Variants in SYNPO observed in about 807,000 individuals in gnomAD.
The protein encoded by SYNPO is synaptopodin.
SYNPO carries 19 observed loss-of-function variants against 49.5 expected under a neutral mutation model. That is an observed-to-expected ratio of 0.38 (90% CI 0.27 to 0.56). SYNPO has a LOEUF of 0.56. SYNPO is among the 20% of genes least tolerant of loss of function. The probability of loss-of-function intolerance (pLI) is 0.68; values close to 1 mark genes in which losing one functional copy is unlikely to be tolerated. For synonymous variants in SYNPO, 536 were observed against 548.0 expected, an observed-to-expected ratio of 0.98 and a Z score of 0.31; for missense variants, 1,131 against 1,248.3, an observed-to-expected ratio of 0.91 and a Z score of 1.42.
chr5:150,640,289 A>G (rs904576003), upstream of SYNPO, among the ~76,000 whole-genome samples: 3 of 152,194 alleles, frequency 2.0e-5, no homozygotes, highest in Non-Finnish European at 2.9e-5. Flanking sequence ...GCATGTAGAA[A>G]GGATGTGAGA....
At chr5:150,651,064 ACCTGGCTTG>A (rs1043054386) in intron 2 of SYNPO, 1 of 1,159,866 alleles carries the variant, frequency 8.6e-7, no homozygotes, top group African/African-American at 1.6e-5. Flanking sequence ...CCCCAGTTCT[ACCTGGCTTG>A]CTGTCACCGC....
At chr5:150,644,270 C>G (rs947455274) in intron 1 of SYNPO, among the ~76,000 whole-genome samples, 1 of 152,008 alleles carries the variant, frequency 6.6e-6, no homozygotes, top group African/African-American at 2.4e-5. Context: ...GGAGTGAGCT[C>G]GTCACCTGAG....
Position 150,656,859 on chromosome 5 carries a change from G to T in SYNPO, c.2484G>T (p.Leu828Phe). 6.4e-7 allele frequency: 1 copy of T among 1,561,796 alleles called. No individual in the cohort carries two copies. The highest frequency in any genetic ancestry group is 8.6e-7 in the Non-Finnish European group (1 of 1,156,320). The part of the protein sequence containing the change: ...AAFAPIPRSP[L>F]PAGPSSCTSP... ...TCGCGCCCATCCCGCGGAGCCCGTT[G>T]CCCGCCGGTCCTTCGTCCTGCACCA... The change falls in exon 3 of 3, where the codon TTG becomes TTT. Residue 828 changes from leucine to phenylalanine, a missense_variant. By Grantham distance (22) the Leu-to-Phe change is conservative. Coordinates refer to ENST00000307662, the MANE Select transcript of SYNPO (RefSeq NM_007286.6).
At chr5:150,595,978 G>A in the SYNPO span, among the ~76,000 whole-genome samples, 1 of 152,234 alleles carries the variant, frequency 6.6e-6, no homozygotes, top group African/African-American at 2.4e-5. Context: ...GGGAAAAGAG[G>A]CCCGGGCCAC....
At chr5:150,610,694 T>C (rs1280567320) in intron 1 of SYNPO, among the ~76,000 whole-genome samples, 2 of 152,234 alleles carry the variant, frequency 1.3e-5, no homozygotes, top group Non-Finnish European at 2.9e-5. Context: ...CACAGCAATA[T>C]GATATCATTA....
intron 2 of SYNPO, among the ~76,000 whole-genome samples, chr5:150,620,901 C>CTTTCTTTCTTTCTTTATTTA (rs1170684583): frequency 2.3e-5 from 2 of 87,688 alleles, no homozygotes; most frequent in African/African-American, 1.3e-4. Flanking sequence ...CTTTTTTTCT[C>CTTTCTTTCTTTCTTTATTTA]TTTCTTTCTT....
the SYNPO span, among the ~76,000 whole-genome samples, chr5:150,588,083 G>A: frequency 2.3e-4 from 35 of 152,186 alleles, no homozygotes; most frequent in Admixed American, 1.6e-3. Flanking sequence ...TGTACAGTAT[G>A]AATTTTTTTA....
chr5:150,651,120 G>C, intron 2 of SYNPO: 1 of 1,079,272 alleles, frequency 9.3e-7, no homozygotes, highest in Non-Finnish European at 1.1e-6. Context: ...ATCCCCAGGA[G>C]AAGGAGAGCC....
upstream of SYNPO, among the ~76,000 whole-genome samples, chr5:150,597,826 C>T (rs766076509): frequency 1.3e-5 from 2 of 152,116 alleles, no homozygotes; most frequent in Non-Finnish European, 2.9e-5. Context: ...TTAGTAGAGA[C>T]AGGGTTTCAC....
At chr5:150,655,049 C>T (rs548900746) in intron 2 of SYNPO, among the ~76,000 whole-genome samples, 2 of 152,290 alleles carry the variant, frequency 1.3e-5, no homozygotes, top group Non-Finnish European at 2.9e-5. Flanking sequence ...CACTTGAACC[C>T]AGGAGGCAGA....
At chr5:150,602,325 G>A (rs73796406) in intron 1 of SYNPO, among the ~76,000 whole-genome samples, 2,165 of 152,322 alleles carry the variant, frequency 0.014, 50 homozygotes, top group African/African-American at 0.049. Flanking sequence ...CACAATGGCA[G>A]AGTTGGGCCA....
In SYNPO at chr5:150,656,835, C is replaced by G. The variant is rs200223915; in HGVS notation, c.2460C>G (p.Phe820Leu). The G allele has an allele frequency of 2.0e-6, 3 of 1,537,546 alleles. No homozygotes were observed. Among genetic ancestry groups the G allele is most frequent in the Middle Eastern group, 4.5e-4 (2 of 4,478 alleles). Residue 820 changes from phenylalanine (F) to leucine (L), a missense_variant, in exon 3 of 3, where the codon TTC (phenylalanine) becomes TTG (leucine). By Grantham distance (22) the Phe-to-Leu change is conservative (BLOSUM62 0). Around this residue, in one of 4 missense-constraint regions of SYNPO, gnomAD observed 509 missense variants for 484.5 expected, o/e 1.05. Transcript: ENST00000307662. ...PGSAAVPGAA[F>L]APIPRSPLPA... ...CGGCTGCTGTGCCGGGGGCAGCCTT[C>G]GCGCCCATCCCGCGGAGCCCGTTGC...
At chr5:150,650,747 C>T (rs1445428227) in intron 2 of SYNPO, 23 of 1,301,720 alleles carry the variant, frequency 1.8e-5, no homozygotes, top group Non-Finnish European at 2.2e-5. Context: ...CCTGTGGAGT[C>T]AGCCAGCCGA....
rs578164882 is a variant in SYNPO at position 150,640,776 on chromosome 5, C to T, written c.-411C>T. On this transcript the variant is annotated 5_prime_UTR_variant, in exon 1 of 3. Coordinates refer to ENST00000307662, the MANE Select transcript of SYNPO (RefSeq NM_007286.6). The stretch of plus-strand genomic sequence containing the variant: ...CAGCCAAGCAATTGGCTGCCTTTGC[C>T]GGAGGCTTTGAGAACCAAGGCTTGA... The T allele has an allele frequency of 3.3e-4, 330 of 985,444 alleles. 1 individual carries two copies. The highest frequency in any genetic ancestry group is 3.9e-4 in the Non-Finnish European group (321 of 829,936). The allele number at this position is 985,444 out of a possible 1,614,324, so 61.0% of individuals were successfully genotyped here.
upstream of SYNPO, among the ~76,000 whole-genome samples, chr5:150,600,852 ATG>A (rs1756508408): frequency 6.6e-6 from 1 of 151,904 alleles, no homozygotes. Flanking sequence ...CAGTACTCTG[ATG>A]TGTGTGTTTG....
intron 2 of SYNPO, among the ~76,000 whole-genome samples, chr5:150,631,116 T>G (rs1315691359): frequency 6.6e-6 from 1 of 152,200 alleles, no homozygotes; most frequent in African/African-American, 2.4e-5. Flanking sequence ...AGTCATGATG[T>G]GAGCAGTGTT....
At position 150,613,256 on chromosome 5, in the gene SYNPO, C is replaced by T. The variant is rs529383766; in HGVS notation, c.-265-4847C>T. On this transcript the variant is annotated intron_variant, in intron 1 of 2. Coordinates refer to the SYNPO transcript ENST00000394243. ...GGGCCTTGCAGTCATTTCCCCCAAC[C>T]GTGTAGGGCTGCCCACCCCCCTACT... Among the ~76,000 whole-genome samples, 23 of 152,294 alleles carry T rather than the reference C, an allele frequency of 1.5e-4. No homozygotes were observed. The South Asian group carries it at 2.5e-3, about 16-fold the overall frequency.
intron 1 of SYNPO, among the ~76,000 whole-genome samples, chr5:150,602,246 G>A (rs1158267142): frequency 6.6e-6 from 1 of 152,214 alleles, no homozygotes; most frequent in Non-Finnish European, 1.5e-5. Flanking sequence ...TCTGGTGGTG[G>A]CCCTGCCACT....
intron 1 of SYNPO, among the ~76,000 whole-genome samples, chr5:150,606,598 C>G (rs1756699640): frequency 6.6e-6 from 1 of 152,242 alleles, no homozygotes; most frequent in East Asian, 1.9e-4. Flanking sequence ...TGGGGACCAG[C>G]ACTTTCACCT....
Sources: allele counts gnomAD v4.1 joint callset (sites outside exome capture counted in the v4.1 genomes callset), GRCh38; gene constraint gnomAD v4.1.1; regional missense constraint gnomAD v4.1.1; transcripts MANE v1.5; gene names NCBI Gene and HGNC (gene_info 2026-07-23, HGNC 2026-07-21).